Variants in FMR1NB observed in about 807,000 individuals in gnomAD.
The protein encoded by FMR1NB is FMR1 neighbor protein.
In FMR1NB, 10 loss-of-function variants were observed where a neutral mutation model predicts 16.8. The observed-to-expected ratio is 0.60, with a 90% CI of 0.37 to 1.01. The LOEUF (loss-of-function observed/expected upper bound fraction) is 1.01. Among genes scored for constraint, FMR1NB ranks in the 50% least tolerant of loss-of-function variants. FMR1NB has a pLI of 0.01. For synonymous variants in FMR1NB, 83 were observed against 79.1 expected (o/e 1.05, Z -0.26); for missense variants, 205 against 204.8 (o/e 1.00, Z 0.00).
At chrX:148,005,876 A>G (rs952888441) in intron 2 of FMR1NB, among the ~76,000 whole-genome samples, 1 of 112,438 alleles carries the variant, frequency 8.9e-6, no homozygotes, top group African/African-American at 3.2e-5. Context: ...TGCTTTAGTG[A>G]TTATAAAATA....
At chrX:147,997,674 C>A (rs2044548948) in intron 1 of FMR1NB, among the ~76,000 whole-genome samples, 1 of 111,435 alleles carries the variant, frequency 9.0e-6, no homozygotes, top group Admixed American at 9.5e-5. Flanking sequence ...AACTGGCAAC[C>A]TATAGAATGG....
chrX:147,984,229 G>C (rs782561405), intron 1 of FMR1NB, among the ~76,000 whole-genome samples: 71 of 111,608 alleles, frequency 6.4e-4, no homozygotes, highest in African/African-American at 2.2e-3. Flanking sequence ...AAATTTGAGA[G>C]TCAGCTTTTC....
intron 1 of FMR1NB, among the ~76,000 whole-genome samples, chrX:147,995,805 C>T (rs1557188104): frequency 8.9e-6 from 1 of 112,372 alleles, no homozygotes; most frequent in Non-Finnish European, 1.9e-5. Flanking sequence ...CTGCCGTGTA[C>T]CTAATTGAGC....
At chrX:147,998,349 CAG>C (rs1381075910) in intron 1 of FMR1NB, among the ~76,000 whole-genome samples, 1 of 110,688 alleles carries the variant, frequency 9.0e-6, no homozygotes, top group Non-Finnish European at 1.9e-5. Flanking sequence ...CAAACTAACA[CAG>C]GGACAGAAAA....
At chrX:148,005,878 T>C (rs1557189046) in intron 2 of FMR1NB, among the ~76,000 whole-genome samples, 3 of 112,501 alleles carry the variant, frequency 2.7e-5, no homozygotes, top group African/African-American at 9.7e-5. Context: ...CTTTAGTGAT[T>C]ATAAAATATC....
At chrX:147,990,055 A>G (rs782056078) in intron 1 of FMR1NB, among the ~76,000 whole-genome samples, 2 of 103,433 alleles carry the variant, frequency 1.9e-5, no homozygotes, top group South Asian at 4.2e-4. Context: ...AAAAAAAAAA[A>G]CAAAAGCTCC....
intron 4 of FMR1NB, among the ~76,000 whole-genome samples, chrX:148,012,588 T>A (rs1557189738): frequency 9.0e-6 from 1 of 111,633 alleles, no homozygotes; most frequent in South Asian, 3.8e-4. Context: ...GATACACAGA[T>A]GATGTAAAAA....
At chrX:148,006,641 A>G in intron 2 of FMR1NB, 61 bp from the exon 3 acceptor site, 1 of 1,116,820 alleles carries the variant, frequency 9.0e-7, no homozygotes, top group South Asian at 2.1e-5. Flanking sequence ...TAATTATTTA[A>G]TTAGGGAAAG....
chrX:147,997,581 T>C (rs1259180992), intron 1 of FMR1NB, among the ~76,000 whole-genome samples: 1 of 111,696 alleles, frequency 9.0e-6, no homozygotes, highest in Admixed American at 9.5e-5. Context: ...CCAAAAGCAA[T>C]GGCAACAAAA....
chrX:148,012,040 T>C (rs1447286948), intron 4 of FMR1NB, among the ~76,000 whole-genome samples: 3 of 112,063 alleles, frequency 2.7e-5, no homozygotes, highest in Non-Finnish European at 5.6e-5. Context: ...ATGTAAGATC[T>C]ATTTTTATCC....
At chrX:148,026,444 G>A (rs1375702053) in intron 5 of FMR1NB, 58 bp from the exon 6 acceptor site, 1 of 111,290 alleles carries the variant, frequency 9.0e-6, no homozygotes, top group South Asian at 3.8e-4. Context: ...GACAAAGTGC[G>A]ATATGTGAAT....
intron 1 of FMR1NB, among the ~76,000 whole-genome samples, chrX:147,981,937 A>C (rs1312962068): frequency 1.8e-5 from 2 of 110,799 alleles, no homozygotes; most frequent in Non-Finnish European, 3.8e-5. Context: ...CCCCTAACAA[A>C]AGCCTTCCCT....
chrX:148,015,333 C>G (rs782296085), intron 4 of FMR1NB, among the ~76,000 whole-genome samples: 1 of 111,425 alleles, frequency 9.0e-6, no homozygotes, highest in African/African-American at 3.3e-5. Flanking sequence ...TATTTCTGCT[C>G]TCATCTTTAT....
At chrX:147,992,004 G>A (rs1017538462) in intron 1 of FMR1NB, among the ~76,000 whole-genome samples, 6 of 112,070 alleles carry the variant, frequency 5.4e-5, no homozygotes, top group Non-Finnish European at 1.1e-4. Flanking sequence ...GGATCCCAAG[G>A]CAGAGGAATT....
chrX:148,011,996 A>G (rs1363224574), intron 4 of FMR1NB, among the ~76,000 whole-genome samples: 1 of 111,490 alleles, frequency 9.0e-6, no homozygotes, highest in African/African-American at 3.3e-5. Context: ...AACATATAAG[A>G]TGTGTTTTTG....
At chrX:148,004,679 G>T (rs782497673) in intron 2 of FMR1NB, among the ~76,000 whole-genome samples, 1 of 112,118 alleles carries the variant, frequency 8.9e-6, no homozygotes, top group Admixed American at 9.4e-5. Flanking sequence ...AAAGTTCGTT[G>T]TTTTGCCATT....
intron 4 of FMR1NB, among the ~76,000 whole-genome samples, chrX:148,009,201 C>A (rs1268827891): frequency 9.0e-6 from 1 of 111,034 alleles, no homozygotes; most frequent in Non-Finnish European, 1.9e-5. Context: ...AAATAAAATG[C>A]GTGTTATTTT....
At chrX:148,016,086 T>C (rs1288986235) in intron 4 of FMR1NB, among the ~76,000 whole-genome samples, 1 of 112,029 alleles carries the variant, frequency 8.9e-6, no homozygotes, top group Non-Finnish European at 1.9e-5. Context: ...TATAGTTTTG[T>C]TTTGAAATAG....
At chrX:147,998,554 G>A (rs1282536662) in intron 1 of FMR1NB, among the ~76,000 whole-genome samples, 4 of 112,088 alleles carry the variant, frequency 3.6e-5, no homozygotes. Context: ...GTATACCTAT[G>A]TAACAAACCT....
Sources: allele counts gnomAD v4.1 joint callset (sites outside exome capture counted in the v4.1 genomes callset), GRCh38; gene constraint gnomAD v4.1.1; transcripts MANE v1.5; gene names NCBI Gene and HGNC (gene_info 2026-07-23, HGNC 2026-07-21).